Variants in IL1RAPL2 observed in about 807,000 individuals in gnomAD.
IL1RAPL2 encodes X-linked interleukin-1 receptor accessory protein-like 2.
A neutral mutation model predicts 44.1 loss-of-function variants in IL1RAPL2; 3 were observed. That is an observed-to-expected ratio of 0.07 (90% CI 0.03 to 0.18). The LOEUF is 0.18. Ranked by LOEUF, IL1RAPL2 falls within the 10% of genes least tolerant of loss-of-function variation. The probability of loss-of-function intolerance (pLI) is 1.00; values close to 1 mark genes in which losing one functional copy is unlikely to be tolerated. For missense variants in IL1RAPL2, 391 were observed against 496.4 expected (o/e 0.79, Z 2.02); for synonymous variants, 181 against 178.8 (o/e 1.01, Z -0.10).
chrX:104,879,384 A>AAAAAAAAAAAAAAAAAAAAAAAAAAAT (rs1923000910), intron 2 of IL1RAPL2, among the ~76,000 whole-genome samples: 1 of 105,881 alleles, frequency 9.4e-6, no homozygotes, highest in African/African-American at 3.5e-5. Flanking sequence ...AAAAAAAAAA[A>AAAAAAAAAAAAAAAAAAAAAAAAAAAT]GAGTGCAGAA....
chrX:105,728,137 C>T (rs1270973577), intron 7 of IL1RAPL2, among the ~76,000 whole-genome samples: 1 of 111,551 alleles, frequency 9.0e-6, no homozygotes, highest in Non-Finnish European at 1.9e-5. Context: ...CAGTATCATA[C>T]AGATGAGTTT....
At chrX:105,016,251 A>G (rs971988734) in intron 2 of IL1RAPL2, among the ~76,000 whole-genome samples, 4 of 111,684 alleles carry the variant, frequency 3.6e-5, no homozygotes, top group African/African-American at 1.3e-4. Context: ...CAATCATGTT[A>G]TCTGGAAACA....
chrX:105,640,572 G>C (rs2147838743), intron 6 of IL1RAPL2, among the ~76,000 whole-genome samples: 1 of 102,510 alleles, frequency 9.8e-6, no homozygotes, highest in African/African-American at 3.5e-5. Context: ...TGATTAACAA[G>C]CTATTTGCCT....
At chrX:105,305,691 A>T (rs1278191762) in intron 5 of IL1RAPL2, among the ~76,000 whole-genome samples, 1 of 111,722 alleles carries the variant, frequency 9.0e-6, no homozygotes, top group African/African-American at 3.2e-5. Flanking sequence ...ACTGTAAACT[A>T]CTCTTGCTGG....
At chrX:104,678,641 T>C (rs1009717838) in intron 2 of IL1RAPL2, among the ~76,000 whole-genome samples, 1 of 112,277 alleles carries the variant, frequency 8.9e-6, no homozygotes, top group Non-Finnish European at 1.9e-5. Context: ...CTAAGTGTCA[T>C]TCGCACATCC....
intron 2 of IL1RAPL2, among the ~76,000 whole-genome samples, chrX:105,148,759 A>G (rs1321910409): frequency 8.9e-6 from 1 of 111,836 alleles, no homozygotes; most frequent in African/African-American, 3.2e-5. Context: ...TTGAAGCCTA[A>G]TCCTCAAAGT....
chrX:105,569,020 G>A (rs760166026), intron 6 of IL1RAPL2, among the ~76,000 whole-genome samples: 11 of 111,266 alleles, frequency 9.9e-5, no homozygotes, highest in Non-Finnish European at 2.1e-4. Context: ...AGAAAGTAAT[G>A]TGTATATACT....
At chrX:104,570,354 C>T (rs1162597939) in intron 1 of IL1RAPL2, among the ~76,000 whole-genome samples, 1 of 111,814 alleles carries the variant, frequency 8.9e-6, no homozygotes, top group Non-Finnish European at 1.9e-5. Flanking sequence ...TATCTTTAGA[C>T]TTGGAGCTGC....
intron 2 of IL1RAPL2, among the ~76,000 whole-genome samples, chrX:104,772,978 C>G (rs1932661996): frequency 9.0e-6 from 1 of 111,227 alleles, no homozygotes. Context: ...GGCACACACA[C>G]AGCTCACTGC....
chrX:105,100,586 G>A (rs1404908480), intron 2 of IL1RAPL2, among the ~76,000 whole-genome samples: 2 of 111,626 alleles, frequency 1.8e-5, no homozygotes, highest in South Asian at 7.5e-4. Context: ...AGTTCTCATT[G>A]AACATTGCCC....
intron 2 of IL1RAPL2, among the ~76,000 whole-genome samples, chrX:105,008,004 G>GAAGAGAAAA (rs1447752813): frequency 8.8e-6 from 1 of 113,510 alleles, no homozygotes; most frequent in Non-Finnish European, 1.9e-5. Context: ...GAATTGCCAA[G>GAAGAGAAAA]GGCAATACTA....
intron 2 of IL1RAPL2, among the ~76,000 whole-genome samples, chrX:104,901,534 C>T (rs1243352812): frequency 9.1e-6 from 1 of 110,354 alleles, no homozygotes; most frequent in Non-Finnish European, 1.9e-5. Flanking sequence ...TCTACCAGGT[C>T]ATGTATTTTA....
At chrX:104,616,001 T>A (rs765018679) in intron 1 of IL1RAPL2, among the ~76,000 whole-genome samples, 3 of 112,418 alleles carry the variant, frequency 2.7e-5, no homozygotes, top group Non-Finnish European at 5.6e-5. Context: ...TTTTTTCATA[T>A]GTTTGTTGGC....
At chrX:104,847,630 G>A (rs989542573) in intron 2 of IL1RAPL2, among the ~76,000 whole-genome samples, 5 of 111,705 alleles carry the variant, frequency 4.5e-5, no homozygotes, top group African/African-American at 1.6e-4. Context: ...GTAGCTTGAC[G>A]CCTCCAGCTT....
chrX:105,174,759 C>T, intron 2 of IL1RAPL2, among the ~76,000 whole-genome samples: 1 of 111,701 alleles, frequency 9.0e-6, no homozygotes. Flanking sequence ...ACCCTGTACG[C>T]TCTGGCTGAG....
chrX:105,398,086 A>G (rs2035577548), intron 5 of IL1RAPL2, among the ~76,000 whole-genome samples: 1 of 111,538 alleles, frequency 9.0e-6, no homozygotes, highest in Admixed American at 9.6e-5. Context: ...CACACTAAGT[A>G]GAATTGGATT....
intron 6 of IL1RAPL2, among the ~76,000 whole-genome samples, chrX:105,645,121 T>C (rs1340280915): frequency 8.9e-6 from 1 of 111,986 alleles, no homozygotes; most frequent in Non-Finnish European, 1.9e-5. Context: ...TGTTTGTGTT[T>C]TCAGCACTCC....
chrX:105,144,502 T>G (rs1447839175), intron 2 of IL1RAPL2, among the ~76,000 whole-genome samples: 1 of 111,210 alleles, frequency 9.0e-6, no homozygotes, highest in Non-Finnish European at 1.9e-5. Context: ...ATGATAAAAG[T>G]GTAGCTCCTT....
At chrX:105,304,566 C>A (rs949632818) in intron 5 of IL1RAPL2, among the ~76,000 whole-genome samples, 1 of 111,656 alleles carries the variant, frequency 9.0e-6, no homozygotes, top group Non-Finnish European at 1.9e-5. Flanking sequence ...GTCTTATGAC[C>A]CTAATGTCAG....
Sources: gnomAD v4.1 joint callset for allele counts (sites outside exome capture counted in the v4.1 genomes callset) on GRCh38, gnomAD v4.1.1 for gene constraint, MANE v1.5 for transcripts, NCBI Gene and HGNC (gene_info 2026-07-23, HGNC 2026-07-21) for gene names.